PRRC2B: variants seen among roughly 807,000 people sequenced by gnomAD.
The protein encoded by PRRC2B is proline rich coiled-coil 2B.
Under a neutral mutation model 242.3 loss-of-function variants are expected in PRRC2B, and 68 were observed. The observed-to-expected ratio is 0.28, with a 90% CI of 0.23 to 0.34. The LOEUF (loss-of-function observed/expected upper bound fraction) is 0.34. PRRC2B is among the 10% of genes least tolerant of loss of function. The pLI is 1.00. For synonymous variants in PRRC2B, 1,228 were observed against 1,173.6 expected, an observed-to-expected ratio of 1.05 and a Z score of -0.95; for missense variants, 2,835 against 2,954.8, an observed-to-expected ratio of 0.96 and a Z score of 0.94.
chr9:131,429,192 C>A (rs1046169763), intron 1 of PRRC2B, among the ~76,000 whole-genome samples: 1 of 152,178 alleles, frequency 6.6e-6, no homozygotes, highest in Admixed American at 6.5e-5. Flanking sequence ...AGTGATCTGC[C>A]CACCTTAGCC....
intron 26 of PRRC2B, 24 bp downstream of exon 26, chr9:131,486,206 C>T (rs1177143927): frequency 1.3e-6 from 2 of 1,527,422 alleles, no homozygotes; most frequent in Admixed American, 1.7e-5. Flanking sequence ...GCCAGGTGGC[C>T]TGGCTGGGGG....
intron 3 of PRRC2B, among the ~76,000 whole-genome samples, chr9:131,435,056 G>A (rs889883424): frequency 5.3e-5 from 8 of 152,140 alleles, no homozygotes; most frequent in African/African-American, 1.9e-4. Context: ...CCAGCACTTT[G>A]GGAGGCCGAG....
intron 1 of PRRC2B, among the ~76,000 whole-genome samples, chr9:131,427,275 CCT>C (rs1172467434): frequency 3.9e-5 from 6 of 152,186 alleles, no homozygotes; most frequent in East Asian, 3.9e-4. Context: ...TTTTTTGGCC[CCT>C]GTTTGTAATC....
rs747386139 is a variant in PRRC2B, at chr9:131,477,750, A to C, written c.4413A>C (p.Pro1471=). The C allele has an allele frequency of 3.8e-6, 6 of 1,598,952 alleles. No homozygotes were observed. In the East Asian group the frequency reaches 1.3e-4, roughly 36 times the overall value. ...NGTPLKVKRS[P]DEALPGGLSG... ...GATCCTCTTTCCCTTACAGATCCCC[A>C]GACGAGGCCTTGCCTGGAGGTCTTA... Residue 1471 remains proline (P), a synonymous_variant, in exon 17 of 32, where the codon CCA becomes CCC. Transcript: ENST00000683519.
chr9:131,443,383 G>A (rs147556177), intron 5 of PRRC2B, among the ~76,000 whole-genome samples: 2,518 of 151,852 alleles, frequency 0.017, 75 homozygotes, highest in African/African-American at 0.057. Flanking sequence ...TGATCCGCCC[G>A]CGTCGGCCTC....
At chr9:131,467,408 C>T (rs191435800) in intron 12 of PRRC2B, among the ~76,000 whole-genome samples, 155 bp from the exon 13 acceptor site, 5 of 152,250 alleles carry the variant, frequency 3.3e-5, no homozygotes, top group Admixed American at 2.0e-4. Flanking sequence ...AGCTTGTGTA[C>T]GTGATGCGTT....
rs765594070 is a variant in PRRC2B, at chr9:131,476,138, G to C, written c.4009G>C (p.Gly1337Arg). 1.2e-5 allele frequency: 19 copies of C among 1,611,098 alleles called. No homozygotes were observed. The highest frequency in any genetic ancestry group is 1.6e-5 in the Non-Finnish European group (19 of 1,178,226). ...CGAGGAGGAGCCCCACCTGCTGGCAGGTCAGTGGCCAGGCAGGCCCAAACT... is the reference window on the plus strand; with the variant it reads ...CGAGGAGGAGCCCCACCTGCTGGCACGTCAGTGGCCAGGCAGGCCCAAACT... ...GPEEEPHLLA[G>R]QWPGRPKLCS... Residue 1337 changes from glycine to arginine, a missense_variant, in exon 16 of 32, where the codon GGT (glycine) becomes CGT (arginine). Physicochemically the swap from Gly to Arg is moderately radical, Grantham distance 125 (BLOSUM62 -2). Transcript: ENST00000683519.
chr9:131,488,638 T>A (rs879587614), intron 28 of PRRC2B, among the ~76,000 whole-genome samples: 15 of 152,142 alleles, frequency 9.9e-5, no homozygotes, highest in Non-Finnish European at 2.1e-4. Flanking sequence ...AGACGGGGGC[T>A]CCTTCCTTTC....
chr9:131,410,871 G>T (rs569916032), intron 1 of PRRC2B, among the ~76,000 whole-genome samples: 3 of 151,852 alleles, frequency 2.0e-5, no homozygotes, highest in East Asian at 1.9e-4. Context: ...GCTTGCATTG[G>T]TTTTTTTCTG....
At chr9:131,436,226 A>G (rs959098585) in intron 3 of PRRC2B, among the ~76,000 whole-genome samples, 6 of 152,196 alleles carry the variant, frequency 3.9e-5, no homozygotes, top group African/African-American at 1.4e-4. Flanking sequence ...AAGGCCAGGC[A>G]AGGTGGCTCA....
intron 9 of PRRC2B, among the ~76,000 whole-genome samples, chr9:131,448,523 G>A (rs939513004): frequency 5.7e-4 from 50 of 87,136 alleles, no homozygotes; most frequent in African/African-American, 2.0e-3. Context: ...CAGCTTGGGC[G>A]ACAGAGGGAG....
chr9:131,418,713 G>C (rs1008856682), intron 1 of PRRC2B, among the ~76,000 whole-genome samples: 6 of 152,130 alleles, frequency 3.9e-5, no homozygotes, highest in African/African-American at 1.4e-4. Flanking sequence ...CTTCCTCCTC[G>C]GTGTGTGTGT....
chr9:131,387,615 C>T (rs1314526024), intron 1 of PRRC2B, among the ~76,000 whole-genome samples: 2 of 149,904 alleles, frequency 1.3e-5, no homozygotes, highest in Non-Finnish European at 3.0e-5. Flanking sequence ...AAGACAGATG[C>T]GGTCATCCTG....
intron 19 of PRRC2B, among the ~76,000 whole-genome samples, chr9:131,480,905 TCA>T (rs1293145732): frequency 6.6e-6 from 1 of 151,970 alleles, no homozygotes; most frequent in East Asian, 1.9e-4. Flanking sequence ...GAGTGGTGGC[TCA>T]CACCTATAAT....
intron 2 of PRRC2B, among the ~76,000 whole-genome samples, chr9:131,430,535 C>G (rs1193609556): frequency 0.017 from 2,335 of 136,892 alleles, 29 homozygotes; most frequent in Middle Eastern, 0.04. Flanking sequence ...AGATATCTAT[C>G]TATAGATATC....
intron 12 of PRRC2B, among the ~76,000 whole-genome samples, 186 bp from the exon 13 acceptor site, chr9:131,467,377 A>G (rs1183270471): frequency 3.3e-5 from 5 of 152,256 alleles, no homozygotes; most frequent in African/African-American, 9.6e-5. Flanking sequence ...GCCTCCTCAC[A>G]TGTGTTGTGG....
At chr9:131,437,428 C>G (rs959874604) in intron 4 of PRRC2B, among the ~76,000 whole-genome samples, 1 of 152,238 alleles carries the variant, frequency 6.6e-6, no homozygotes, top group Non-Finnish European at 1.5e-5. Flanking sequence ...CCATCAGAGC[C>G]TGGCTACAGG....
chr9:131,415,578 T>C (rs1339643472), intron 1 of PRRC2B, among the ~76,000 whole-genome samples: 2 of 152,014 alleles, frequency 1.3e-5, no homozygotes, highest in African/African-American at 2.4e-5. Context: ...TGAGTCCTTA[T>C]GTAGGTCTGA....
At chr9:131,483,017 A>G in intron 22 of PRRC2B, 110 bp downstream of exon 22, 1 of 1,278,966 alleles carries the variant, frequency 7.8e-7, no homozygotes, top group Non-Finnish European at 1.1e-6. Context: ...GAAGGATGGG[A>G]GCCAAGCAGT....
Sources: gnomAD v4.1 joint callset for allele counts (sites outside exome capture counted in the v4.1 genomes callset) on GRCh38, gnomAD v4.1.1 for gene constraint, MANE v1.5 for transcripts, NCBI Gene and HGNC (gene_info 2026-07-23, HGNC 2026-07-21) for gene names.